The following SMARCA2 variants were observed in gnomAD, a reference collection of about 807,000 sequenced individuals.
SMARCA2 encodes the protein SWI/SNF related BAF chromatin remodeling complex subunit ATPase 2, also known as SWI/SNF-related matrix-associated actin-dependent regulator of chromatin subfamily A member 2.
In SMARCA2, 61 loss-of-function variants were observed where a neutral mutation model predicts 199.8. The ratio of observed to expected loss-of-function variants is 0.31; its 90% CI spans 0.25 to 0.38. The LOEUF is 0.38. Ranked by LOEUF, SMARCA2 falls within the 10% of genes least tolerant of loss-of-function variation. The pLI, the probability that SMARCA2 is intolerant of heterozygous loss-of-function variation, is 1.00. For synonymous variants in SMARCA2, 935 were observed against 732.0 expected (o/e 1.28, Z -4.48); for missense variants, 1,344 against 2,012.2 (o/e 0.67, Z 6.35).
chr9:2,184,353 C>CT (rs1199876121), intron 31 of SMARCA2, among the ~76,000 whole-genome samples: 84,085 of 129,336 alleles, frequency 0.65, 28,036 homozygotes, highest in East Asian at 0.85. Context: ...AGGATAATAT[C>CT]TTTTTTTTTT....
At chr9:2,147,969 G>A (rs973384412) in intron 27 of SMARCA2, among the ~76,000 whole-genome samples, 1 of 151,552 alleles carries the variant, frequency 6.6e-6, no homozygotes, top group Non-Finnish European at 1.5e-5. Context: ...AGAGTGCTGG[G>A]ATTACAGGTG....
chr9:2,171,455 G>A (rs1229312650), intron 29 of SMARCA2, among the ~76,000 whole-genome samples: 1 of 152,122 alleles, frequency 6.6e-6, no homozygotes. Flanking sequence ...AACTAGTGGT[G>A]ATTTATACTT....
intron 13 of SMARCA2, among the ~76,000 whole-genome samples, chr9:2,076,561 C>T (rs1586678898): frequency 6.6e-6 from 1 of 151,788 alleles, no homozygotes. Context: ...TTCTTTCTCA[C>T]TTCCTTACCC....
At chr9:2,111,046 GTTT>G (rs763044837) in intron 24 of SMARCA2, among the ~76,000 whole-genome samples, 1 of 142,466 alleles carries the variant, frequency 7.0e-6, no homozygotes. Flanking sequence ...TTGATGTTTT[GTTT>G]TTTTTTTTTT....
At chr9:2,038,717 A>G (rs1326373375) in intron 3 of SMARCA2, among the ~76,000 whole-genome samples, 1 of 152,012 alleles carries the variant, frequency 6.6e-6, no homozygotes, top group Non-Finnish European at 1.5e-5. Context: ...TCATACCCCT[A>G]TTAGTGTCCC....
chr9:2,028,541 C>T (rs186280598), intron 1 of SMARCA2, among the ~76,000 whole-genome samples: 40 of 152,234 alleles, frequency 2.6e-4, no homozygotes, highest in Middle Eastern at 3.4e-3. Flanking sequence ...TTTGAATGCC[C>T]ACTCACTTAT....
At chr9:2,181,426 G>C in intron 29 of SMARCA2, 145 bp from the exon 30 acceptor site, 2 of 604,686 alleles carry the variant, frequency 3.3e-6, no homozygotes, top group Non-Finnish European at 6.0e-6. Flanking sequence ...CAATAGAGTT[G>C]TGGGATTTTT....
intron 29 of SMARCA2, among the ~76,000 whole-genome samples, chr9:2,172,814 G>T (rs1042952363): frequency 6.6e-6 from 1 of 152,118 alleles, no homozygotes; most frequent in East Asian, 1.9e-4. Flanking sequence ...GACACCCAGG[G>T]AGCCGACATC....
In SMARCA2 at chr9:2,047,440, G is replaced by T. The variant is rs1324377000; in HGVS notation, c.1002G>T (p.Pro334=). Residue 334 remains proline, a synonymous_variant, in exon 5 of 34, where the codon CCG becomes CCT. Transcript: ENST00000349721. ...GCCGCATCAGCCCCATCCAGAAACC[G>T]CAAGGCCTGGACCCCGTGGAAATTC... ...KQSRISPIQK[P]QGLDPVEILQ... is the part of the protein sequence containing the mutation. The T allele has an allele frequency of 6.3e-7, 1 of 1,576,820 alleles. No individual in the cohort carries two copies. The highest frequency in any genetic ancestry group is 8.6e-7 in the Non-Finnish European group (1 of 1,163,468).
In SMARCA2 at chr9:2,191,424, T is replaced by G. The variant is rs1293912574; in HGVS notation, c.4737+16T>G. ...GGATGAACGTGTAAGTGTAGCCGACTGGGACTGAAGGCGGAGACGCCCTCT... is the reference window on the plus strand; with the variant it reads ...GGATGAACGTGTAAGTGTAGCCGACGGGGACTGAAGGCGGAGACGCCCTCT... On this transcript the variant is annotated intron_variant, in intron 33 of 33. Coordinates refer to ENST00000349721, the MANE Select transcript of SMARCA2 (RefSeq NM_003070.5). 10 of 1,613,712 alleles carry G rather than the reference T, an allele frequency of 6.2e-6. No homozygotes were observed. The highest frequency in any genetic ancestry group is 8.5e-6 in the Non-Finnish European group (10 of 1,179,648).
Position 2,191,428 on chromosome 9 carries a change from A to G in SMARCA2, c.4737+20A>G, listed in dbSNP as rs1318447966. 4 of 1,613,170 alleles carry G rather than the reference A, an allele frequency of 2.5e-6. No homozygotes were observed. The African/African-American group carries it at 4.0e-5, about 16-fold the overall frequency. ...GAACGTGTAAGTGTAGCCGACTGGG[A>G]CTGAAGGCGGAGACGCCCTCTCCCC... On this transcript the variant is annotated intron_variant, in intron 33 of 33. Transcript: ENST00000349721.
intron 14 of SMARCA2, among the ~76,000 whole-genome samples, chr9:2,078,805 T>C (rs1232653687): frequency 2.0e-5 from 3 of 151,840 alleles, no homozygotes; most frequent in Non-Finnish European, 2.9e-5. Context: ...ATTAGCTGGG[T>C]GTGGTGGCGG....
chr9:2,175,465 A>T (rs578017980), intron 29 of SMARCA2, among the ~76,000 whole-genome samples: 1 of 152,270 alleles, frequency 6.6e-6, no homozygotes, highest in African/African-American at 2.4e-5. Context: ...AACATATTAA[A>T]ACTTTTGTGT....
Position 2,039,179 on chromosome 9 carries a change from T to C in SMARCA2, c.356-287T>C, listed in dbSNP as rs1316560418. On this transcript the variant is annotated intron_variant, in intron 3 of 33. Transcript: ENST00000349721. The surrounding 1 kb of genome is among the most constrained non-coding windows in gnomAD (Gnocchi z 4.8). ...CATCAACAGTTTTTACATTTTAAAA[T>C]GATGTTTTGGGTATGTTGGTTTAAG... Among the ~76,000 whole-genome samples the C allele has an allele frequency of 6.6e-6, 1 of 151,936 alleles. No homozygotes were observed. Among genetic ancestry groups the C allele is most frequent in the Non-Finnish European group, 1.5e-5 (1 of 67,978 alleles).
In SMARCA2 at chr9:2,186,697, TA is replaced by T. The variant is rs562022769; in HGVS notation, c.4594+470del. 8.5e-5 allele frequency among the ~76,000 whole-genome samples: 13 copies of T among 152,264 alleles called. No homozygotes were observed. The East Asian group carries it at 2.5e-3, about 30-fold the overall frequency. On this transcript the variant is annotated intron_variant, in intron 32 of 33. Coordinates refer to ENST00000349721, the MANE Select transcript of SMARCA2 (RefSeq NM_003070.5). Reference sequence around the variant, plus strand: ...TGTGCCACCACGCCCGGCTAATTTTTATATTTTTAGTAGAGATGGAGTGTCA... The same window carrying T: ...TGTGCCACCACGCCCGGCTAATTTTTTATTTTTAGTAGAGATGGAGTGTCA...
At chr9:2,095,320 G>A (rs554435439) in intron 19 of SMARCA2, among the ~76,000 whole-genome samples, 4 of 152,022 alleles carry the variant, frequency 2.6e-5, no homozygotes, top group East Asian at 3.9e-4. Flanking sequence ...TCCTGACCTC[G>A]TGATTCGCCC....
intron 23 of SMARCA2, among the ~76,000 whole-genome samples, chr9:2,109,168 T>C (rs1419750678): frequency 6.6e-6 from 1 of 152,184 alleles, no homozygotes; most frequent in African/African-American, 2.4e-5. Context: ...GCTGGTATGT[T>C]TTCATCCTTA....
rs1825670302 is a variant in SMARCA2 at position 2,161,478 on chromosome 9, A to G, written c.3982-208A>G. On this transcript the variant is annotated intron_variant, in intron 27 of 33. Transcript: ENST00000349721. This position sits in a 1 kb window ranked among gnomAD's most constrained non-coding sequence, Gnocchi z 4.7. ...GCCTTCAGTGTGTTTTGCTCATGAA[A>G]CAGACTTGAGTTAAAGATGCATTTA... 6.6e-6 allele frequency among the ~76,000 whole-genome samples: 1 copy of G among 152,190 alleles called. No homozygotes were observed. Among genetic ancestry groups the G allele is most frequent in the Non-Finnish European group, 1.5e-5 (1 of 68,044 alleles).
intron 27 of SMARCA2, among the ~76,000 whole-genome samples, chr9:2,139,580 G>C (rs1586745532): frequency 6.6e-6 from 1 of 152,228 alleles, no homozygotes; most frequent in Non-Finnish European, 1.5e-5. Context: ...ATTTTTATTT[G>C]CTGCCATTTT....
Sources: allele counts gnomAD v4.1 joint callset (sites outside exome capture counted in the v4.1 genomes callset), GRCh38; gene constraint gnomAD v4.1.1; non-coding constraint Gnocchi (gnomAD v3.1); transcripts MANE v1.5; gene names NCBI Gene and HGNC (gene_info 2026-07-23, HGNC 2026-07-21).